LRRC7: variants seen among roughly 807,000 people sequenced by gnomAD.
LRRC7 encodes leucine rich repeat containing 7.
A neutral mutation model predicts 175.7 loss-of-function variants in LRRC7; 23 were observed. That is an observed-to-expected ratio of 0.13 (90% CI 0.09 to 0.19). The LOEUF is 0.19. Ranked by LOEUF, LRRC7 falls within the 10% of genes least tolerant of loss-of-function variation. The probability of loss-of-function intolerance (pLI) is 1.00; values close to 1 mark genes in which losing one functional copy is unlikely to be tolerated. For synonymous variants in LRRC7, 685 were observed against 680.9 expected (o/e 1.01, Z -0.09); for missense variants, 1,354 against 1,904.7 (o/e 0.71, Z 5.38).
intron 4 of LRRC7, among the ~76,000 whole-genome samples, chr1:69,808,480 C>A (rs532388744): frequency 4.3e-4 from 66 of 152,152 alleles, no homozygotes; most frequent in African/African-American, 1.6e-3. Context: ...CACCACATTG[C>A]ACTTATTCTA....
intron 4 of LRRC7, among the ~76,000 whole-genome samples, chr1:69,805,300 T>C (rs1335967384): frequency 6.6e-6 from 1 of 151,686 alleles, no homozygotes; most frequent in Non-Finnish European, 1.5e-5. Flanking sequence ...AAAGCATATA[T>C]GGGTAATCAG....
At chr1:69,626,010 A>G (rs1570022210) in intron 1 of LRRC7, among the ~76,000 whole-genome samples, 1 of 81,256 alleles carries the variant, frequency 1.2e-5, no homozygotes, top group Non-Finnish European at 2.5e-5. Context: ...TGCTTGTTCA[A>G]TGAAAATTTC....
intron 1 of LRRC7, among the ~76,000 whole-genome samples, chr1:69,613,340 C>T (rs1052927098): frequency 3.3e-5 from 5 of 152,038 alleles, no homozygotes; most frequent in Non-Finnish European, 7.4e-5. Flanking sequence ...CTCATGAGGG[C>T]TCTATCCTAT....
chr1:69,659,234 A>G (rs1006159461), intron 1 of LRRC7, among the ~76,000 whole-genome samples: 3 of 152,036 alleles, frequency 2.0e-5, no homozygotes, highest in African/African-American at 4.8e-5. Context: ...TGAGCCAGAA[A>G]ATAGAGCAGA....
chr1:69,943,751 C>T (rs554417779), intron 8 of LRRC7, among the ~76,000 whole-genome samples: 44 of 152,082 alleles, frequency 2.9e-4, no homozygotes, highest in African/African-American at 1.0e-3. Context: ...GCTTCATTAA[C>T]TTCAAGGTAA....
chr1:69,889,898 C>G (rs6694577), intron 7 of LRRC7, among the ~76,000 whole-genome samples: 61,726 of 151,634 alleles, frequency 0.41, 13,367 homozygotes, highest in East Asian at 0.55. Context: ...CCATAAGAAG[C>G]AATTTCCTGT....
intron 4 of LRRC7, among the ~76,000 whole-genome samples, chr1:69,824,393 G>A (rs910539057): frequency 3.9e-5 from 6 of 151,944 alleles, no homozygotes; most frequent in African/African-American, 7.2e-5. Context: ...TAGGTGTTTC[G>A]GCCTTCCAAA....
intron 7 of LRRC7, among the ~76,000 whole-genome samples, chr1:69,848,588 A>G (rs934113861): frequency 1.3e-5 from 2 of 152,110 alleles, no homozygotes; most frequent in African/African-American, 4.8e-5. Context: ...TGGTTCAATA[A>G]GACACACCAA....
intron 7 of LRRC7, among the ~76,000 whole-genome samples, chr1:69,870,298 G>T (rs1685393567): frequency 6.6e-6 from 1 of 152,106 alleles, no homozygotes; most frequent in East Asian, 1.9e-4. Context: ...GGTAGCAGAG[G>T]TGTCGAGTAC....
At chr1:69,668,920 G>GT (rs1479210551) in intron 1 of LRRC7, among the ~76,000 whole-genome samples, 1 of 152,040 alleles carries the variant, frequency 6.6e-6, no homozygotes, top group Non-Finnish European at 1.5e-5. Context: ...TTTTTCATAT[G>GT]TTTTTTGGCC....
At chr1:69,855,104 T>A (rs1335961416) in intron 7 of LRRC7, among the ~76,000 whole-genome samples, 1 of 152,178 alleles carries the variant, frequency 6.6e-6, no homozygotes, top group Non-Finnish European at 1.5e-5. Flanking sequence ...GGTTGTTAAG[T>A]TTGCAGAGGG....
At chr1:69,974,888 T>C (rs567134453) in intron 8 of LRRC7, among the ~76,000 whole-genome samples, 11 of 152,316 alleles carry the variant, frequency 7.2e-5, no homozygotes, top group Non-Finnish European at 1.5e-4. Context: ...AGTTTTAAGC[T>C]CTAAGATGAT....
intron 4 of LRRC7, among the ~76,000 whole-genome samples, chr1:69,808,830 C>A (rs1677452598): frequency 1.3e-5 from 2 of 152,044 alleles, no homozygotes; most frequent in South Asian, 2.1e-4. Flanking sequence ...AAAATCGACA[C>A]CCTAACATCA....
Position 69,726,691 on chromosome 1 carries a change from G to A in LRRC7, c.101-33500G>A, listed in dbSNP as rs569839196. Among the ~76,000 whole-genome samples, 6 of 151,840 alleles carry A rather than the reference G, an allele frequency of 4.0e-5. No individual in the cohort carries two copies. The East Asian group carries it at 9.7e-4, about 25-fold the overall frequency. On this transcript the variant is annotated intron_variant, in intron 2 of 26. Transcript: ENST00000651989. ...CCAAGAAAACCAAGAAGCAAGGTAA[G>A]AAGAGAATAGAGAGCAAAACTTGCC...
At chr1:70,114,055 A>G (rs186216288) in intron 26 of LRRC7, among the ~76,000 whole-genome samples, 1,939 of 148,556 alleles carry the variant, frequency 0.013, 19 homozygotes, top group South Asian at 0.04. Flanking sequence ...ATTCTTTAAA[A>G]AAAATCTTCC....
In LRRC7 at chr1:70,001,855, T is replaced by C. The variant is rs1655567044; in HGVS notation, c.1004+7222T>C. Reference sequence around the variant, plus strand: ...TGTTCCAGACCTCATGTTTGGTGCTTTCTTTACAGGTATTATCTTATTTAC... The same window carrying C: ...TGTTCCAGACCTCATGTTTGGTGCTCTCTTTACAGGTATTATCTTATTTAC... On this transcript the variant is annotated intron_variant, in intron 11 of 26. Coordinates refer to ENST00000651989, the MANE Select transcript of LRRC7 (RefSeq NM_001370785.2). 2.0e-5 allele frequency among the ~76,000 whole-genome samples: 3 copies of C among 152,300 alleles called. No individual in the cohort carries two copies. In the South Asian group the frequency reaches 6.2e-4, roughly 32 times the overall value.
intron 3 of LRRC7, among the ~76,000 whole-genome samples, chr1:69,771,978 CA>C (rs1414770512): frequency 6.6e-6 from 1 of 151,878 alleles, no homozygotes; most frequent in Non-Finnish European, 1.5e-5. Context: ...AAAAATTAGC[CA>C]GGCATGATGG....
chr1:69,769,261 C>G (rs1671957261), intron 3 of LRRC7, among the ~76,000 whole-genome samples: 3 of 152,154 alleles, frequency 2.0e-5, no homozygotes, highest in Non-Finnish European at 4.4e-5. Context: ...AGTTGCTCAT[C>G]TAGATTTGTT....
At chr1:69,994,244 A>G (rs1329617605) in intron 10 of LRRC7, among the ~76,000 whole-genome samples, 3 of 152,196 alleles carry the variant, frequency 2.0e-5, no homozygotes, top group African/African-American at 7.2e-5. Flanking sequence ...AAAAATTTCA[A>G]CTGGTCCATT....
Sources: gnomAD v4.1 joint callset for allele counts (sites outside exome capture counted in the v4.1 genomes callset) on GRCh38, gnomAD v4.1.1 for gene constraint, MANE v1.5 for transcripts, NCBI Gene and HGNC (gene_info 2026-07-23, HGNC 2026-07-21) for gene names.